SLF2: variants seen among roughly 807,000 people sequenced by gnomAD.
SLF2 encodes the protein SMC5-SMC6 complex localization factor protein 2.
SLF2 carries 68 observed loss-of-function variants against 124.3 expected under a neutral mutation model. That is an observed-to-expected ratio of 0.55 (90% CI 0.45 to 0.67). The LOEUF is 0.67. SLF2 is among the 30% of genes least tolerant of loss of function. The probability of loss-of-function intolerance (pLI) is 0.00; values close to 1 mark genes in which losing one functional copy is unlikely to be tolerated. For synonymous variants in SLF2, 480 were observed against 478.8 expected (o/e 1.00, Z -0.03); for missense variants, 1,246 against 1,373.7 (o/e 0.91, Z 1.47).
rs1349965393 is a variant in SLF2 at position 100,964,462 on chromosome 10, C to T, written c.*2550C>T. The T allele has an allele frequency of 1.3e-5, 2 of 152,632 alleles. No homozygotes were observed. Among genetic ancestry groups the T allele is most frequent in the Non-Finnish European group, 1.5e-5 (1 of 68,036 alleles). 9.5% of individuals were successfully genotyped at this position (152,632 alleles called of 1,614,324 possible). A position where few individuals can be genotyped will look rare whatever the true frequency, so the allele number is the denominator to read the frequency against. ...CTACTAGTTTTATCACATTAAGAGG[C>T]TCTCCATGCACAAAATGCATTGATG... is the stretch of plus-strand genomic sequence containing the variant. On this transcript the variant is annotated 3_prime_UTR_variant, in exon 20 of 20. Transcript: ENST00000238961.
At position 100,944,056 on chromosome 10, in the gene SLF2, A is replaced by G; in HGVS notation, c.2685A>G (p.Lys895=). Residue 895 remains lysine (K), a synonymous_variant, in exon 12 of 20, where the codon AAA becomes AAG. Transcript: ENST00000238961. ...AAACACAGACAACATCAAGGGGGAA[A>G]GAAAGTGAAGATTCATCTTATAAGC... is the stretch of plus-strand genomic sequence containing the variant. ...VSETQTTSRG[K]ESEDSSYKPI... 6.2e-7 allele frequency: 1 copy of G among 1,612,792 alleles called. No homozygotes were observed. Among genetic ancestry groups the G allele is most frequent in the Non-Finnish European group, 8.5e-7 (1 of 1,179,528 alleles).
intron 1 of SLF2, among the ~76,000 whole-genome samples, chr10:100,915,192 T>C (rs1004686992): frequency 3.3e-5 from 5 of 152,204 alleles, no homozygotes; most frequent in African/African-American, 9.6e-5. Flanking sequence ...GTTTTTGTTA[T>C]TCTTGTTAAC....
chr10:100,941,003 A>G (rs1176117834), intron 11 of SLF2, among the ~76,000 whole-genome samples: 8 of 150,704 alleles, frequency 5.3e-5, no homozygotes, highest in Non-Finnish European at 8.9e-5. Flanking sequence ...TGCCTGGCCA[A>G]TGTTTTTAAA....
rs780587830 is a variant in SLF2 at position 100,956,464 on chromosome 10, T to C, written c.3344T>C (p.Leu1115Pro). ...TGTTTTGCACAGAAACACTTTGTGC[T>C]ACTCTGTGGGGCTTTGGAAAAGCAT... ...FSSGQRKHFV[L>P]LCGALEKHVK... The change falls in exon 18 of 20, where the codon CTA becomes CCA. Residue 1115 changes from leucine (L) to proline (P), a missense_variant. Physicochemically the swap from Leu to Pro is moderately conservative, Grantham distance 98. Around this residue, in one of 3 missense-constraint regions of SLF2, gnomAD observed 535 missense variants for 632.8 expected, o/e 0.85. Transcript: ENST00000238961. 2 of 1,611,402 alleles carry C rather than the reference T, an allele frequency of 1.2e-6. No individual in the cohort carries two copies. The highest frequency in any genetic ancestry group is 2.2e-5 in the East Asian group (1 of 44,854).
intron 14 of SLF2, 146 bp downstream of exon 14, chr10:100,947,282 T>C: frequency 2.0e-6 from 1 of 500,716 alleles, no homozygotes; most frequent in Non-Finnish European, 3.4e-6. Context: ...AAGGCATTGA[T>C]AGCCTGATTC....
At chr10:100,930,944 A>C in intron 8 of SLF2, 32 bp from the exon 9 acceptor site, 1 of 1,542,178 alleles carries the variant, frequency 6.5e-7, no homozygotes, top group Non-Finnish European at 9.0e-7. Flanking sequence ...CATGAAGTTA[A>C]TAGCCATGTT....
In SLF2 at chr10:100,947,020, A is replaced by G; in HGVS notation, c.2935-19A>G. On this transcript the variant is annotated intron_variant, in intron 13 of 19. Transcript: ENST00000238961. ...ACTGTTCTGTTTGAAAAGAAATCTT[A>G]CATGTTCTTTTTTTTCAGGTGCCTG... 1 of 1,592,690 alleles carries G rather than the reference A, an allele frequency of 6.3e-7. No individual in the cohort carries two copies. The highest frequency in any genetic ancestry group is 8.6e-7 in the Non-Finnish European group (1 of 1,160,888).
At chr10:100,935,845 GT>G (rs1377424639) in intron 9 of SLF2, among the ~76,000 whole-genome samples, 2,498 of 132,498 alleles carry the variant, frequency 0.019, 31 homozygotes, top group African/African-American at 0.037. Context: ...GATTTTTTGG[GT>G]TTTTTTTTTT....
intron 15 of SLF2, 125 bp downstream of exon 15, chr10:100,947,972 A>G (rs1389184875): frequency 1.7e-6 from 1 of 602,890 alleles, no homozygotes; most frequent in African/African-American, 1.8e-5. Flanking sequence ...GATACTGTTC[A>G]TGTAATCTCT....
intron 9 of SLF2, 21 bp downstream of exon 9, chr10:100,931,099 G>A: frequency 6.5e-7 from 1 of 1,533,118 alleles, no homozygotes; most frequent in Non-Finnish European, 8.9e-7. Context: ...TGTTTAGAGG[G>A]TTATAGTTGC....
chr10:100,922,631 T>G (rs1849542117), intron 4 of SLF2, among the ~76,000 whole-genome samples: 1 of 151,746 alleles, frequency 6.6e-6, no homozygotes, highest in East Asian at 1.9e-4. Flanking sequence ...TGTTTTTTTT[T>G]GTTGTTGTTT....
rs537747486 is a variant in SLF2, at chr10:100,930,285, A to G, written c.2333+288A>G. Among the ~76,000 whole-genome samples, 9 of 152,344 alleles carry G rather than the reference A, an allele frequency of 5.9e-5. No individual in the cohort carries two copies. In the South Asian group the frequency reaches 1.4e-3, roughly 25 times the overall value. ...AACAAGAAGTATATTTGAAAGAAGT[A>G]TAAAAGCAGGAAGTCCAGGGCTGGA... On this transcript the variant is annotated intron_variant, in intron 8 of 19. Coordinates refer to ENST00000238961, the MANE Select transcript of SLF2 (RefSeq NM_018121.4).
At chr10:100,929,706 T>C in intron 7 of SLF2, 124 bp from the exon 8 acceptor site, 1 of 753,174 alleles carries the variant, frequency 1.3e-6, no homozygotes, top group Non-Finnish European at 2.1e-6. Context: ...ACTTTTCTCA[T>C]GCTAGTCTTC....
At chr10:100,941,252 G>A (rs1406597203) in intron 11 of SLF2, among the ~76,000 whole-genome samples, 3 of 152,162 alleles carry the variant, frequency 2.0e-5, no homozygotes, top group Non-Finnish European at 4.4e-5. Context: ...GAGTGAAAAT[G>A]TTTGCAGATT....
At chr10:100,957,976 G>A (rs12765046) in intron 18 of SLF2, among the ~76,000 whole-genome samples, 51,639 of 151,974 alleles carry the variant, frequency 0.34, 10,453 homozygotes, top group Middle Eastern at 0.55. Flanking sequence ...TTGAACCCAG[G>A]AGGCAGAGCT....
At chr10:100,957,511 C>T (rs934969277) in intron 18 of SLF2, among the ~76,000 whole-genome samples, 1 of 151,222 alleles carries the variant, frequency 6.6e-6, no homozygotes, top group Non-Finnish European at 1.5e-5. Flanking sequence ...CTACCATGCC[C>T]GGCAAATTTT....
chr10:100,923,856 A>G, intron 4 of SLF2, 119 bp from the exon 5 acceptor site: 1 of 718,648 alleles, frequency 1.4e-6, no homozygotes, highest in Non-Finnish European at 2.0e-6. Flanking sequence ...TATGGTGACT[A>G]ATCTCAGCCT....
intron 11 of SLF2, among the ~76,000 whole-genome samples, chr10:100,939,094 T>C (rs1344499122): frequency 1.3e-5 from 2 of 152,214 alleles, no homozygotes; most frequent in Non-Finnish European, 2.9e-5. Flanking sequence ...TGTGAGTTAA[T>C]CTAGACATAG....
intron 18 of SLF2, among the ~76,000 whole-genome samples, chr10:100,957,051 T>C (rs906457308): frequency 6.6e-6 from 1 of 152,196 alleles, no homozygotes; most frequent in African/African-American, 2.4e-5. Flanking sequence ...GCAAATACAC[T>C]TTTCACTTTA....
Sources: allele counts gnomAD v4.1 joint callset (sites outside exome capture counted in the v4.1 genomes callset), GRCh38; gene constraint gnomAD v4.1.1; regional missense constraint gnomAD v4.1.1; transcripts MANE v1.5; gene names NCBI Gene and HGNC (gene_info 2026-07-23, HGNC 2026-07-21).